BTN2A1: variants seen among roughly 807,000 people sequenced by gnomAD.
BTN2A1 encodes butyrophilin, subfamily 2, member A1.
BTN2A1 carries 41 observed loss-of-function variants against 34.5 expected under a neutral mutation model. The ratio of observed to expected loss-of-function variants is 1.19; its 90% CI spans 0.93 to 1.54. The LOEUF is 1.54. Among genes scored for constraint, BTN2A1 ranks in the 40% most tolerant of loss-of-function variants. BTN2A1 has a pLI of 0.00. For synonymous variants in BTN2A1, 267 were observed against 258.6 expected (o/e 1.03, Z -0.31); for missense variants, 642 against 662.0 (o/e 0.97, Z 0.33).
chr6:26,473,895 A>T (rs1277808207), downstream of BTN2A1, among the ~76,000 whole-genome samples: 1 of 152,222 alleles, frequency 6.6e-6, no homozygotes, highest in East Asian at 1.9e-4. Context: ...AACCGTCCCC[A>T]GTGGCTTCTG....
At chr6:26,459,390 A>T (rs1763096979) in intron 2 of BTN2A1, 91 bp from the exon 3 acceptor site, 1 of 1,420,460 alleles carries the variant, frequency 7.0e-7, no homozygotes, top group African/African-American at 1.4e-5. Context: ...CATGGAAAAA[A>T]TAAGTTTGTC....
downstream of BTN2A1, among the ~76,000 whole-genome samples, chr6:26,473,683 CTT>C (rs926198312): frequency 7.9e-5 from 12 of 152,192 alleles, no homozygotes; most frequent in African/African-American, 2.4e-4. Flanking sequence ...TTCTTAAAAT[CTT>C]TTCATTTTTC....
At chr6:26,472,624 T>C (rs767753633), downstream of BTN2A1, among the ~76,000 whole-genome samples, 2 of 152,114 alleles carry the variant, frequency 1.3e-5, no homozygotes, top group Non-Finnish European at 2.9e-5. Flanking sequence ...GCAGGGGACC[T>C]CTGGCCAGCA....
rs1217810380 is a variant in BTN2A1 at position 26,459,493 on chromosome 6, T to C, written c.95T>C (p.Val32Ala). 1.9e-6 allele frequency: 3 copies of C among 1,613,722 alleles called. No homozygotes were observed. Among genetic ancestry groups the C allele is most frequent in the Non-Finnish European group, 2.5e-6 (3 of 1,179,790 alleles). Residue 32 changes from valine (V) to alanine (A), a missense_variant, in exon 3 of 8, where the codon GTC becomes GCC. Val to Ala is a moderately conservative substitution (Grantham distance 64). Transcript: ENST00000312541. ...CTTTGTTGAACAGCCCAGTTTATTG[T>C]CGTGGGGCCCACTGATCCCATCTTG... ...LCALVSAQFI[V>A]VGPTDPILAT...
chr6:26,467,532 G>A (rs1037573431), intron 7 of BTN2A1, among the ~76,000 whole-genome samples: 1 of 152,176 alleles, frequency 6.6e-6, no homozygotes, highest in Non-Finnish European at 1.5e-5. Context: ...GGCTGGTCTC[G>A]AACTCCTGAC....
chr6:26,467,168 G>T (rs1023311050), intron 7 of BTN2A1, among the ~76,000 whole-genome samples: 1 of 152,170 alleles, frequency 6.6e-6, no homozygotes, highest in Non-Finnish European at 1.5e-5. Flanking sequence ...TTATCCTCCA[G>T]GACAGTGTGA....
At chr6:26,462,760 G>T (rs933534169) in intron 3 of BTN2A1, 1 of 1,259,792 alleles carries the variant, frequency 7.9e-7, no homozygotes, top group Non-Finnish European at 1.0e-6. Flanking sequence ...GATTCTGCCC[G>T]CCTGGCAGAC....
At position 26,468,414 on chromosome 6, in the gene BTN2A1, T is replaced by C. The variant is rs780423173; in HGVS notation, c.1449T>C (p.Pro483=). The C allele has an allele frequency of 1.2e-6, 2 of 1,614,082 alleles. No homozygotes were observed. The highest frequency in any genetic ancestry group is 1.7e-5 in the Admixed American group (1 of 60,010). The part of the protein sequence containing the change: ...YTCPRSAFSV[P]VRPFFRLGCE... The stretch of plus-strand genomic sequence containing the variant: ...GTCCCCGTTCAGCCTTTTCCGTGCC[T>C]GTGAGGCCCTTCTTCAGGTTGGGGT... Residue 483 remains proline, a synonymous_variant, in exon 8 of 8, where the codon CCT becomes CCC. Coordinates refer to ENST00000312541, the MANE Select transcript of BTN2A1 (RefSeq NM_007049.5).
intron 1 of BTN2A1, 35 bp from the exon 2 acceptor site, chr6:26,458,572 A>G: frequency 6.3e-7 from 1 of 1,579,342 alleles, no homozygotes; most frequent in Non-Finnish European, 8.7e-7. Flanking sequence ...CTGAGGTGCC[A>G]AGACTCCTAG....
intron 3 of BTN2A1, among the ~76,000 whole-genome samples, chr6:26,462,646 T>C (rs868083101): frequency 2.0e-5 from 3 of 152,122 alleles, no homozygotes; most frequent in African/African-American, 7.2e-5. Flanking sequence ...ATCTGTCAAG[T>C]CTCCTAAAAA....
intron 3 of BTN2A1, among the ~76,000 whole-genome samples, chr6:26,462,029 A>ATT (rs1554136471): frequency 2.3e-4 from 35 of 150,892 alleles, no homozygotes; most frequent in South Asian, 4.2e-4. Flanking sequence ...AAAAAAAAAA[A>ATT]TTTTTTTTTA....
intron 5 of BTN2A1, chr6:26,465,709 A>G (rs1309437968): frequency 1.8e-5 from 11 of 607,282 alleles, no homozygotes; most frequent in African/African-American, 2.3e-5. Flanking sequence ...CACTCTGCCC[A>G]CCTTGCATTC....
chr6:26,458,977 T>G (rs1264070380), intron 2 of BTN2A1, among the ~76,000 whole-genome samples: 2 of 152,202 alleles, frequency 1.3e-5, no homozygotes, highest in Admixed American at 6.5e-5. Flanking sequence ...TGAAATAAAT[T>G]TGTATACTAT....
Position 26,459,675 on chromosome 6 carries a change from C to A in BTN2A1, c.277C>A (p.Arg93=). ...ERTEEQMEEY[R]GRTTFVSKDI... ...AACAGAGGAGCAGATGGAGGAGTAC[C>A]GAGGAAGAACCACCTTTGTGAGCAA... Residue 93 remains arginine, a synonymous_variant, in exon 3 of 8, where the codon CGA becomes AGA. Coordinates refer to ENST00000312541, the MANE Select transcript of BTN2A1 (RefSeq NM_007049.5). 1 of 1,613,990 alleles carries A rather than the reference C, an allele frequency of 6.2e-7. No individual in the cohort carries two copies. Among genetic ancestry groups the A allele is most frequent in the Non-Finnish European group, 8.5e-7 (1 of 1,179,990 alleles).
At chr6:26,470,351 CAA>C (rs1005156731), downstream of BTN2A1, among the ~76,000 whole-genome samples, 13 of 151,898 alleles carry the variant, frequency 8.6e-5, no homozygotes, top group African/African-American at 3.1e-4. Context: ...CCGTCTCAAA[CAA>C]AGAGGGGGAG....
Position 26,468,219 on chromosome 6 carries a change from G to T in BTN2A1, c.1254G>T (p.Gln418His). The T allele has an allele frequency of 6.2e-7, 1 of 1,614,236 alleles. No homozygotes were observed. The highest frequency in any genetic ancestry group is 8.5e-7 in the Non-Finnish European group (1 of 1,180,038). ...ERKGEVLLIP[Q>H]NGFWTLEMHK... ...AAGGGGAGGTCCTGCTGATTCCTCA[G>T]AATGGCTTCTGGACCTTGGAGATGC... The change falls in exon 8 of 8, where the codon CAG (glutamine) becomes CAT (histidine). Residue 418 changes from glutamine to histidine, a missense_variant. By Grantham distance (24) the Gln-to-His change is conservative. Transcript: ENST00000312541.
rs752073488 is a variant in BTN2A1, at chr6:26,463,428, G to A, written c.615G>A (p.Thr205=). 2.0e-5 allele frequency: 33 copies of A among 1,614,126 alleles called. 1 individual carries two copies. The highest frequency in any genetic ancestry group is 6.7e-5 in the Admixed American group (4 of 60,028). The change falls in exon 4 of 8, where the codon ACG becomes ACA. Residue 205 remains threonine, a synonymous_variant. Coordinates refer to ENST00000312541, the MANE Select transcript of BTN2A1 (RefSeq NM_007049.5). Reference sequence around the variant, plus strand: ...CAGACGGCCTCTTCATGGTCACCACGGCTGTGATCATCAGAGACAAGTCTG... The same window carrying A: ...CAGACGGCCTCTTCATGGTCACCACAGCTGTGATCATCAGAGACAAGTCTG... ...PDADGLFMVT[T]AVIIRDKSVR... is the part of the protein sequence containing the mutation.
chr6:26,459,316 G>C (rs1370033018), intron 2 of BTN2A1, among the ~76,000 whole-genome samples, 165 bp from the exon 3 acceptor site: 8 of 152,168 alleles, frequency 5.3e-5, no homozygotes, highest in Non-Finnish European at 2.9e-5. Context: ...CTGCTCCCAG[G>C]GGTGCTGTCG....
rs1291630458 is a variant in BTN2A1, at chr6:26,468,488, GGGTCACGGT to G, written c.1525_1533del (p.Val509_Val511del). On this transcript the variant is annotated inframe_deletion, in exon 8 of 8. Transcript: ENST00000312541. ...TGCCCTGCACTCACAGGAGCCAATG[GGGTCACGGT>G]GCCTGAAGAGGGCCTGACACTTCAC... 1.2e-6 allele frequency: 2 copies of G among 1,614,164 alleles called. No individual in the cohort carries two copies. Among genetic ancestry groups the G allele is most frequent in the Admixed American group, 3.3e-5 (2 of 60,012 alleles).
Sources: gnomAD v4.1 joint callset for allele counts (sites outside exome capture counted in the v4.1 genomes callset) on GRCh38, gnomAD v4.1.1 for gene constraint, MANE v1.5 for transcripts, NCBI Gene and HGNC (gene_info 2026-07-23, HGNC 2026-07-21) for gene names.